Variants in USP54 observed in about 807,000 individuals in gnomAD.
USP54 encodes the protein ubiquitin carboxyl-terminal hydrolase 54.
In USP54, 87 loss-of-function variants were observed where a neutral mutation model predicts 170.5. That is an observed-to-expected ratio of 0.51 (90% CI 0.43 to 0.61). USP54 has a LOEUF of 0.61. USP54 is among the 20% of genes least tolerant of loss of function. USP54 has a pLI of 0.00. For missense variants in USP54, 1,786 were observed against 2,047.8 expected (o/e 0.87, Z 2.47); for synonymous variants, 655 against 742.8 (o/e 0.88, Z 1.92).
chr10:73,512,892 G>A (rs934977624), intron 20 of USP54, among the ~76,000 whole-genome samples: 1 of 151,954 alleles, frequency 6.6e-6, no homozygotes, highest in African/African-American at 2.4e-5. Context: ...AGGTATGGTA[G>A]TGCATGCCTG....
chr10:73,573,499 C>T (rs1293331941), intron 3 of USP54, among the ~76,000 whole-genome samples: 1 of 151,966 alleles, frequency 6.6e-6, no homozygotes, highest in African/African-American at 2.4e-5. Flanking sequence ...CACAGTGGCT[C>T]ACGCCTGTAA....
At chr10:73,608,365 T>C (rs904126961) in intron 1 of USP54, among the ~76,000 whole-genome samples, 2 of 152,242 alleles carry the variant, frequency 1.3e-5, no homozygotes, top group African/African-American at 4.8e-5. Flanking sequence ...TTTGACTGTT[T>C]TTAACACAAA....
Position 73,550,150 on chromosome 10 carries a change from C to T in USP54, c.241-4478G>A, listed in dbSNP as rs2068900293. On this transcript the variant is annotated intron_variant, in intron 4 of 23. Coordinates refer to ENST00000687698, the MANE Select transcript of USP54 (RefSeq NM_001391956.1). ...TGTTGGCCAGGTTGGTCTTGAATCC[C>T]TGATCTCAGATGATCCACCTGCCTC... 2.0e-5 allele frequency among the ~76,000 whole-genome samples: 3 copies of T among 152,214 alleles called. No individual in the cohort carries two copies. In the South Asian group the frequency reaches 6.2e-4, roughly 31 times the overall value.
At chr10:73,570,560 T>C (rs1323941655) in intron 4 of USP54, among the ~76,000 whole-genome samples, 1 of 149,212 alleles carries the variant, frequency 6.7e-6, no homozygotes, top group Non-Finnish European at 1.5e-5. Flanking sequence ...CTTTTTTTTT[T>C]TTTTTTTTGA....
At chr10:73,539,152 G>T (rs561833130) in intron 10 of USP54, among the ~76,000 whole-genome samples, 2 of 151,488 alleles carry the variant, frequency 1.3e-5, no homozygotes, top group Middle Eastern at 3.4e-3. Flanking sequence ...GGTAGCATGC[G>T]CATGTACTCC....
At position 73,542,912 on chromosome 10, in the gene USP54, C is replaced by G. The variant is rs752057068; in HGVS notation, c.490-27G>C. On this transcript the variant is annotated intron_variant, in intron 6 of 23. Transcript: ENST00000687698. ...TGGGCAAAAGAGAAAAAGGCAAAAC[C>G]AAGCAACCATAATCAGGAACTGTTT... 2.5e-6 allele frequency: 4 copies of G among 1,613,670 alleles called. No individual in the cohort carries two copies. The Admixed American group carries it at 5.0e-5, about 20-fold the overall frequency.
rs756235528 is a variant in USP54 at position 73,545,593 on chromosome 10, A to G, written c.320T>C (p.Phe107Ser). The G allele has an allele frequency of 1.2e-6, 2 of 1,614,224 alleles. No individual in the cohort carries two copies. The highest frequency in any genetic ancestry group is 1.1e-5 in the South Asian group (1 of 91,086). The change falls in exon 5 of 24, where the codon TTC becomes TCC. Residue 107 changes from phenylalanine to serine, a missense_variant. Transcript: ENST00000687698. ...CAGCTGGAAACGTTGTTCATCCTGG[A>G]AAGTCTTTGCCAGAGCACTGCGGAG... Reference protein sequence around the residue: ...DTLRSALAKTFQDEQRFQLGI... With the variant: ...DTLRSALAKTSQDEQRFQLGI...
rs563506278 is a variant in USP54, at chr10:73,550,876, G to A, written c.241-5204C>T. Among the ~76,000 whole-genome samples, 5 of 152,296 alleles carry A rather than the reference G, an allele frequency of 3.3e-5. No homozygotes were observed. In the South Asian group the frequency reaches 1.0e-3, roughly 32 times the overall value. On this transcript the variant is annotated intron_variant, in intron 4 of 23. Transcript: ENST00000687698. Reference sequence around the variant, plus strand: ...AATCCCAGCACTTTGGGAGGCCGAGGTGGGCGGATCACGAGGTCAGGAGAT... The same window carrying A: ...AATCCCAGCACTTTGGGAGGCCGAGATGGGCGGATCACGAGGTCAGGAGAT...
chr10:73,526,930 A>T lies in USP54; in HGVS notation c.2061-150T>A. On this transcript the variant is annotated intron_variant, in intron 15 of 23. Coordinates refer to ENST00000687698, the MANE Select transcript of USP54 (RefSeq NM_001391956.1). ...TTCTGAAGAATTGAAATATCCACTCATTCTCCTATCTAACCTCATCTCACC... is the reference window on the plus strand; with the variant it reads ...TTCTGAAGAATTGAAATATCCACTCTTTCTCCTATCTAACCTCATCTCACC... The T allele has an allele frequency of 1.0e-5, 10 of 952,590 alleles. No individual in the cohort carries two copies. In the South Asian group the frequency reaches 1.8e-4, roughly 17 times the overall value. 59.0% of individuals were successfully genotyped at this position (952,590 alleles called of 1,614,324 possible).
At position 73,529,833 on chromosome 10, in the gene USP54, T is replaced by C. The variant is rs1310525478; in HGVS notation, c.1907A>G (p.Lys636Arg). 1.9e-6 allele frequency: 3 copies of C among 1,604,594 alleles called. No individual in the cohort carries two copies. The highest frequency in any genetic ancestry group is 2.7e-5 in the African/African-American group (2 of 74,558). The change falls in exon 15 of 24, where the codon AAG (lysine) becomes AGG (arginine). Residue 636 changes from lysine to arginine, a missense_variant. Transcript: ENST00000687698. ...GCCTGGCCGTGCTGGGCCCCAGCGC[T>C]TGTACTGGGGGCTTGGTCCACCAAA... is the stretch of plus-strand genomic sequence containing the variant. ...IKFGGPSPQY[K>R]RWGPARPGSH...
In USP54 at chr10:73,526,671, A is replaced by G. The variant is rs1356441369; in HGVS notation, c.2170T>C (p.Trp724Arg). The G allele has an allele frequency of 6.2e-7, 1 of 1,614,032 alleles. No homozygotes were observed. Among genetic ancestry groups the G allele is most frequent in the East Asian group, 2.2e-5 (1 of 44,896 alleles). Residue 724 changes from tryptophan to arginine, a missense_variant, in exon 16 of 24, where the codon TGG becomes CGG. Physicochemically the swap from Trp to Arg is moderately radical, Grantham distance 101. Coordinates refer to ENST00000687698, the MANE Select transcript of USP54 (RefSeq NM_001391956.1). ...EVDSTASMGG[W>R]TKSQPFSGEE... is the part of the protein sequence containing the mutation. ...CCAGAGAAAGGCTGACTCTTTGTCC[A>G]GCCACCCATGGATGCTGTGGAGTCT...
chr10:73,539,307 A>AATATATAT (rs1216109438), intron 10 of USP54, 137 bp downstream of exon 10: 5 of 277,374 alleles, frequency 1.8e-5, no homozygotes, highest in African/African-American at 1.3e-4. Context: ...AAAAAAAAAA[A>AATATATAT]ATATATATAT....
chr10:73,530,625 A>G, intron 13 of USP54, 79 bp downstream of exon 13: 2 of 1,583,752 alleles, frequency 1.3e-6, no homozygotes, highest in Non-Finnish European at 1.7e-6. Context: ...AACAGAAAGG[A>G]GAAGCCAACA....
In USP54 at chr10:73,517,713, G is replaced by A; in HGVS notation, c.2713C>T (p.Gln905Ter). 1 of 1,613,996 alleles carries A rather than the reference G, an allele frequency of 6.2e-7. No individual in the cohort carries two copies. Among genetic ancestry groups the A allele is most frequent in the Non-Finnish European group, 8.5e-7 (1 of 1,179,968 alleles). ...ATGCCGGATTCCAGTTGGGCCTCTT[G>A]GCTTAACAATACTTGGAGCGGGATA... Reference protein sequence around the residue: ...QPIPLQVLLSQEAQLESGMDT... With the variant: ...QPIPLQVLLS Residue 905 changes from glutamine (Q) to a stop codon, truncating the protein, a stop_gained, in exon 20 of 24, where the codon CAA (glutamine) becomes TAA (stop). Transcript: ENST00000687698. LOFTEE classifies it high-confidence loss of function.
Position 73,608,470 on chromosome 10 carries a change from A to G in USP54, c.-18+17097T>C, listed in dbSNP as rs1025096275. 5.3e-5 allele frequency among the ~76,000 whole-genome samples: 8 copies of G among 152,318 alleles called. No homozygotes were observed. The South Asian group carries it at 8.3e-4, about 16-fold the overall frequency. On this transcript the variant is annotated intron_variant, in intron 1 of 22. Transcript: ENST00000339859. ...AATCAGCTCAAGGAAGGGAAAAAGA[A>G]AACTGAAATTTAGAGTCCCTATAAC...
chr10:73,542,952 C>T (rs1180831266), intron 6 of USP54, 66 bp downstream of exon 6: 2 of 1,608,980 alleles, frequency 1.2e-6, no homozygotes, highest in Non-Finnish European at 1.7e-6. Context: ...ACCCATTTAA[C>T]ACCCCACATC....
At chr10:73,597,693 C>T (rs1024520800) in intron 1 of USP54, among the ~76,000 whole-genome samples, 2 of 152,214 alleles carry the variant, frequency 1.3e-5, no homozygotes, top group African/African-American at 4.8e-5. Context: ...GTGAATTAAA[C>T]TCTTTCTCCA....
Position 73,517,402 on chromosome 10 carries a change from A to G in USP54, c.3024T>C (p.Ser1008=). The G allele has an allele frequency of 6.2e-7, 1 of 1,613,934 alleles. No individual in the cohort carries two copies. Among genetic ancestry groups the G allele is most frequent in the Non-Finnish European group, 8.5e-7 (1 of 1,179,914 alleles). Residue 1008 remains serine (S), a synonymous_variant, in exon 20 of 24, where the codon AGT becomes AGC. Coordinates refer to ENST00000687698, the MANE Select transcript of USP54 (RefSeq NM_001391956.1). ...KLQGSRCDNS[S]CSKLPPQEGR... ...CTTCTTGTGGAGGGAGCTTGCTGCA[A>G]CTGCTGTTGTCACACCTAGAGCCTT...
In USP54 at chr10:73,543,157, AT is replaced by A. The variant is rs751838472; in HGVS notation, c.376-27del. 4.3e-5 allele frequency: 64 copies of A among 1,487,710 alleles called. No individual in the cohort carries two copies. The East Asian group carries it at 1.4e-3, about 33-fold the overall frequency. 92.2% of individuals were successfully genotyped at this position (1,487,710 alleles called of 1,614,324 possible). A position where few individuals can be genotyped will look rare whatever the true frequency, so the allele number is the denominator to read the frequency against. The stretch of plus-strand genomic sequence containing the variant: ...CTGACAGGGAAAGAACAAAAGCAGT[AT>A]ACCAACAATATTTAATAGACAAATA... On this transcript the variant is annotated intron_variant, in intron 5 of 23. Coordinates refer to ENST00000687698, the MANE Select transcript of USP54 (RefSeq NM_001391956.1).
Sources: gnomAD v4.1 joint callset for allele counts (sites outside exome capture counted in the v4.1 genomes callset) on GRCh38, gnomAD v4.1.1 for gene constraint, MANE v1.5 for transcripts, NCBI Gene and HGNC (gene_info 2026-07-23, HGNC 2026-07-21) for gene names.